CAMKK2: variants seen among roughly 807,000 people sequenced by gnomAD.
The protein encoded by CAMKK2 is calcium/calmodulin-dependent protein kinase kinase 2.
CAMKK2 carries 30 observed loss-of-function variants against 67.2 expected under a neutral mutation model. That is an observed-to-expected ratio of 0.45 (90% CI 0.33 to 0.61). The LOEUF is 0.61. CAMKK2 is among the 20% of genes least tolerant of loss of function. The pLI, the probability that CAMKK2 is intolerant of heterozygous loss-of-function variation, is 0.02. For synonymous variants in CAMKK2, 322 were observed against 326.2 expected, an observed-to-expected ratio of 0.99 and a Z score of 0.14; for missense variants, 643 against 802.0, an observed-to-expected ratio of 0.80 and a Z score of 2.39.
At chr12:121,269,411 A>G in intron 4 of CAMKK2, 117 bp downstream of exon 4, 1 of 793,514 alleles carries the variant, frequency 1.3e-6, no homozygotes, top group Non-Finnish European at 2.1e-6. Flanking sequence ...CAAAATAAAC[A>G]TGACCTAAGA....
chr12:121,288,430 G>A (rs987080739), intron 1 of CAMKK2, among the ~76,000 whole-genome samples: 3 of 152,144 alleles, frequency 2.0e-5, no homozygotes, highest in African/African-American at 7.2e-5. Flanking sequence ...AGCTCTGCGG[G>A]GCCCAACGTC....
intron 1 of CAMKK2, among the ~76,000 whole-genome samples, chr12:121,279,310 G>A (rs1198129032): frequency 6.6e-6 from 1 of 152,202 alleles, no homozygotes; most frequent in African/African-American, 2.4e-5. Context: ...CAGCAGAGAG[G>A]AGCCCCAGGG....
chr12:121,266,329 AT>A (rs1280192260), intron 5 of CAMKK2, among the ~76,000 whole-genome samples: 1 of 151,704 alleles, frequency 6.6e-6, no homozygotes, highest in Middle Eastern at 3.4e-3. Flanking sequence ...ACCATTTGTT[AT>A]TTTGTTAAGA....
intron 1 of CAMKK2, among the ~76,000 whole-genome samples, chr12:121,295,123 T>C (rs1900888025): frequency 6.6e-6 from 1 of 152,194 alleles, no homozygotes; most frequent in South Asian, 2.1e-4. Context: ...TGAGCCAAGA[T>C]TGTGCCACTG....
At chr12:121,297,033 G>A (rs1437125230), upstream of CAMKK2, 2 of 153,336 alleles carry the variant, frequency 1.3e-5, no homozygotes, top group Non-Finnish European at 2.9e-5. Flanking sequence ...AGGATCGGAG[G>A]CGGCTGGGAG....
chr12:121,240,275 A>C lies in CAMKK2; in HGVS notation c.*424T>G. 1 of 682,250 alleles carries C rather than the reference A, an allele frequency of 1.5e-6. No individual in the cohort carries two copies. The highest frequency in any genetic ancestry group is 2.4e-6 in the Non-Finnish European group (1 of 410,984). The allele number at this position is 682,250 out of a possible 1,614,324, so 42.3% of individuals were successfully genotyped here. ...CACATCTAGCCCCCTACTCCCTCTCAAATGCAGCAACCACCTCCATGGCCT... is the reference window on the plus strand; with the variant it reads ...CACATCTAGCCCCCTACTCCCTCTCCAATGCAGCAACCACCTCCATGGCCT... On this transcript the variant is annotated 3_prime_UTR_variant, in exon 17 of 17. Transcript: ENST00000404169. The surrounding 1 kb of genome is among the most constrained non-coding windows in gnomAD (Gnocchi z 4.4).
At chr12:121,282,414 C>A (rs1270927385) in intron 1 of CAMKK2, among the ~76,000 whole-genome samples, 1 of 152,120 alleles carries the variant, frequency 6.6e-6, no homozygotes, top group Non-Finnish European at 1.5e-5. Context: ...CTCAGGACCT[C>A]AGAATGTGGC....
intron 16 of CAMKK2, 150 bp from the exon 17 acceptor site, chr12:121,241,019 C>T (rs914054217): frequency 1.1e-5 from 8 of 726,618 alleles, no homozygotes; most frequent in African/African-American, 3.6e-5. Context: ...TTGAGATCCT[C>T]TCCCCTTTTC....
At chr12:121,287,096 G>A (rs1333914341) in intron 1 of CAMKK2, among the ~76,000 whole-genome samples, 1 of 152,000 alleles carries the variant, frequency 6.6e-6, no homozygotes, top group Non-Finnish European at 1.5e-5. Flanking sequence ...GGTAGAGATG[G>A]GGTTTTGCCA....
intron 1 of CAMKK2, among the ~76,000 whole-genome samples, chr12:121,287,760 A>G (rs1468246950): frequency 6.6e-6 from 1 of 152,202 alleles, no homozygotes; most frequent in African/African-American, 2.4e-5. Context: ...GCTTGAGGCC[A>G]GGATTCGAGA....
chr12:121,278,529 T>C (rs1897193457), intron 1 of CAMKK2, among the ~76,000 whole-genome samples: 1 of 152,140 alleles, frequency 6.6e-6, no homozygotes, highest in South Asian at 2.1e-4. Flanking sequence ...AGGGACCCAG[T>C]GGGAGATAAT....
At chr12:121,292,328 T>C (rs931589390) in intron 1 of CAMKK2, among the ~76,000 whole-genome samples, 4 of 151,916 alleles carry the variant, frequency 2.6e-5, no homozygotes, top group Non-Finnish European at 5.9e-5. Context: ...GGGGTTTCGC[T>C]ATGTTGGCCA....
upstream of CAMKK2, chr12:121,297,623 G>T (rs200886957): frequency 1.5e-5 from 8 of 517,024 alleles, no homozygotes; most frequent in Admixed American, 2.0e-5. Context: ...GACCTGGAGG[G>T]CTCCCTGAAC....
chr12:121,257,194 C>G (rs1030775543), intron 7 of CAMKK2, among the ~76,000 whole-genome samples: 12 of 151,972 alleles, frequency 7.9e-5, no homozygotes, highest in Non-Finnish European at 1.5e-4. Flanking sequence ...ATTAAAACAT[C>G]TCATGTAACC....
At chr12:121,273,010 G>A (rs193272891) in intron 2 of CAMKK2, among the ~76,000 whole-genome samples, 1 of 152,306 alleles carries the variant, frequency 6.6e-6, no homozygotes, top group African/African-American at 2.4e-5. Flanking sequence ...CTCTGGGGAT[G>A]GGATAGGGTG....
chr12:121,283,753 T>C (rs1215242736), intron 1 of CAMKK2, among the ~76,000 whole-genome samples: 1 of 152,180 alleles, frequency 6.6e-6, no homozygotes, highest in Non-Finnish European at 1.5e-5. Flanking sequence ...AGTTGGAGGC[T>C]GCAGTGAACT....
At position 121,240,430 on chromosome 12, in the gene CAMKK2, T is replaced by C. The variant is rs199657939; in HGVS notation, c.*269A>G. 3 of 1,518,240 alleles carry C rather than the reference T, an allele frequency of 2.0e-6. No homozygotes were observed. Among genetic ancestry groups the C allele is most frequent in the East Asian group, 2.4e-5 (1 of 40,842 alleles). The allele number at this position is 1,518,240 out of a possible 1,614,324, so 94.0% of individuals were successfully genotyped here. On this transcript the variant is annotated 3_prime_UTR_variant, in exon 17 of 17. Coordinates refer to ENST00000404169, the MANE Select transcript of CAMKK2 (RefSeq NM_001270485.2). The surrounding 1 kb of genome is among the most constrained non-coding windows in gnomAD (Gnocchi z 4.4). ...GGCATAAAAACGTTTTAAAAAGCAATTGTCCCAAAATGCACGTGGGTTTGG... is the reference window on the plus strand; with the variant it reads ...GGCATAAAAACGTTTTAAAAAGCAACTGTCCCAAAATGCACGTGGGTTTGG...
intron 2 of CAMKK2, among the ~76,000 whole-genome samples, chr12:121,271,417 T>A (rs1895748787): frequency 6.6e-6 from 1 of 152,112 alleles, no homozygotes; most frequent in Non-Finnish European, 1.5e-5. Context: ...GTGGCCACTC[T>A]CTTGACTTCT....
chr12:121,276,500 T>C (rs1896837306), intron 1 of CAMKK2, among the ~76,000 whole-genome samples: 2 of 152,024 alleles, frequency 1.3e-5, no homozygotes, highest in Non-Finnish European at 2.9e-5. Context: ...GATTAACACA[T>C]CCCCTTAGGC....
Sources: allele counts gnomAD v4.1 joint callset (sites outside exome capture counted in the v4.1 genomes callset), GRCh38; gene constraint gnomAD v4.1.1; non-coding constraint Gnocchi (gnomAD v3.1); transcripts MANE v1.5; gene names NCBI Gene and HGNC (gene_info 2026-07-23, HGNC 2026-07-21).